Variants in AGAP3 observed in about 807,000 individuals in gnomAD.
The protein encoded by AGAP3 is ArfGAP with GTPase domain, ankyrin repeat and PH domain 3, also known as arf-GAP with GTPase, ANK repeat and PH domain-containing protein 3.
In AGAP3, 24 loss-of-function variants were observed where a neutral mutation model predicts 96.9. That is an observed-to-expected ratio of 0.25 (90% CI 0.18 to 0.35). The LOEUF is 0.35. AGAP3 is among the 10% of genes least tolerant of loss of function. The pLI is 1.00. For missense variants in AGAP3, 876 were observed against 1,254.2 expected, an observed-to-expected ratio of 0.70 and a Z score of 4.55; for synonymous variants, 563 against 536.1, an observed-to-expected ratio of 1.05 and a Z score of -0.69.
At position 151,120,115 on chromosome 7, in the gene AGAP3, G is replaced by C. The variant is rs752649625; in HGVS notation, c.1098G>C (p.Lys366Asn). ...CCTCCACCCCCACACCCATCCGAAA[G>C]CAGTCCAAGCGGCGCTCCAACATCT... ...AASSTPTPIR[K>N]QSKRRSNIFT... Residue 366 changes from lysine to asparagine, a missense_variant, in exon 8 of 18, where the codon AAG becomes AAC. By Grantham distance (94) the Lys-to-Asn change is moderately conservative. Coordinates refer to ENST00000397238, the MANE Select transcript of AGAP3 (RefSeq NM_031946.7). 6.2e-7 allele frequency: 1 copy of C among 1,613,078 alleles called. No individual in the cohort carries two copies. The highest frequency in any genetic ancestry group is 2.2e-5 in the East Asian group (1 of 44,816).
chr7:151,112,153 A>G (rs1167616285), intron 1 of AGAP3: 1 of 152,174 alleles, frequency 6.6e-6, no homozygotes, highest in Non-Finnish European at 1.5e-5. Flanking sequence ...GTCCTGAGAC[A>G]TTTATGTGGG....
intron 11 of AGAP3, among the ~76,000 whole-genome samples, chr7:151,135,033 C>A (rs947167878): frequency 1.3e-5 from 2 of 152,136 alleles, no homozygotes; most frequent in Non-Finnish European, 1.5e-5. Flanking sequence ...TGAATTTAGA[C>A]AGGATCTGGA....
At position 151,114,899 on chromosome 7, in the gene AGAP3, G is replaced by A. The variant is rs925269636; in HGVS notation, c.332-1894G>A. ...CGGCCGGCCGCGCTGCCGCCGCCCT[G>A]CAGGCCGCCCTCTGCGCCGCCAGTG... is the stretch of plus-strand genomic sequence containing the variant. On this transcript the variant is annotated intron_variant, in intron 1 of 17. Coordinates refer to ENST00000397238, the MANE Select transcript of AGAP3 (RefSeq NM_031946.7). This position sits in a 1 kb window ranked among gnomAD's most constrained non-coding sequence, Gnocchi z 4.4. 13 of 998,330 alleles carry A rather than the reference G, an allele frequency of 1.3e-5. No individual in the cohort carries two copies. The African/African-American group carries it at 2.3e-4, about 18-fold the overall frequency. The allele number at this position is 998,330 out of a possible 1,614,324, so 61.8% of individuals were successfully genotyped here.
chr7:151,111,858 G>A (rs926970368), intron 1 of AGAP3, among the ~76,000 whole-genome samples: 2 of 152,148 alleles, frequency 1.3e-5, no homozygotes, highest in Non-Finnish European at 2.9e-5. Flanking sequence ...CAGCGTTTCC[G>A]GTGGCCTTAA....
intron 8 of AGAP3, chr7:151,120,782 C>T (rs1687035019): frequency 1.2e-5 from 14 of 1,183,756 alleles, no homozygotes; most frequent in Non-Finnish European, 1.5e-5. Flanking sequence ...TCACTCACCC[C>T]TCACAAACCT....
Position 151,141,655 on chromosome 7 carries a change from T to C in AGAP3, c.1805-243T>C. 1.9e-6 allele frequency: 1 copy of C among 536,886 alleles called. No homozygotes were observed. The highest frequency in any genetic ancestry group is 3.4e-6 in the Non-Finnish European group (1 of 297,984). The allele number at this position is 536,886 out of a possible 1,614,324, so 33.3% of individuals were successfully genotyped here. A position where few individuals can be genotyped will look rare whatever the true frequency, so the allele number is the denominator to read the frequency against. ...GGGTGCCAAGATCTTGCATCCCCCA[T>C]CTGTTTTCACTTAAGCTCCACAGGT... On this transcript the variant is annotated intron_variant, in intron 13 of 17. Coordinates refer to ENST00000397238, the MANE Select transcript of AGAP3 (RefSeq NM_031946.7). The surrounding 1 kb of genome is among the most constrained non-coding windows in gnomAD (Gnocchi z 4.2).
At chr7:151,121,215 C>T (rs561339711) in intron 8 of AGAP3, among the ~76,000 whole-genome samples, 30 of 152,234 alleles carry the variant, frequency 2.0e-4, no homozygotes, top group African/African-American at 5.8e-4. Flanking sequence ...CACCTGCCCT[C>T]GCGGCCATCC....
chr7:151,132,053 G>A (rs911216610), intron 10 of AGAP3, among the ~76,000 whole-genome samples: 2 of 152,224 alleles, frequency 1.3e-5, no homozygotes, highest in African/African-American at 4.8e-5. Context: ...GTGGAGAGGG[G>A]GTGAGGCAGT....
chr7:151,126,133 C>T (rs1800156724), intron 9 of AGAP3, among the ~76,000 whole-genome samples: 1 of 151,730 alleles, frequency 6.6e-6, no homozygotes, highest in Non-Finnish European at 1.5e-5. Flanking sequence ...ACAGCGGCTC[C>T]CTCGCCTCCG....
intron 1 of AGAP3, chr7:151,115,135 C>T: frequency 9.6e-7 from 1 of 1,041,242 alleles, no homozygotes; most frequent in Non-Finnish European, 1.2e-6. Context: ...ACTCCGCGGC[C>T]CCGGCCGGCC....
In AGAP3 at chr7:151,133,014, C is replaced by T. The variant is rs372523985; in HGVS notation, c.1327-1386C>T. 5.9e-5 allele frequency among the ~76,000 whole-genome samples: 9 copies of T among 152,136 alleles called. No homozygotes were observed. The highest frequency in any genetic ancestry group is 2.2e-4 in the African/African-American group (9 of 41,408). ...TGGCCAGTGCGGTAAAGGTGAAGGC[C>T]GGGCTCCTCAGGGTAGGAGGAGCGC... On this transcript the variant is annotated intron_variant, in intron 10 of 17. Transcript: ENST00000397238. The surrounding 1 kb of genome is among the most constrained non-coding windows in gnomAD (Gnocchi z 5.4).
intron 8 of AGAP3, chr7:151,120,923 G>T: frequency 2.1e-6 from 2 of 964,124 alleles, no homozygotes; most frequent in Non-Finnish European, 2.5e-6. Flanking sequence ...TAATCCTCCA[G>T]CCGGGCTTGG....
At chr7:151,109,276 T>C (rs2150440797) in intron 1 of AGAP3, among the ~76,000 whole-genome samples, 1 of 152,262 alleles carries the variant, frequency 6.6e-6, no homozygotes, top group East Asian at 1.9e-4. Context: ...GGCAGGAGGA[T>C]TGCTTGAGCT....
chr7:151,087,435 G>C (rs1008984534), intron 1 of AGAP3, among the ~76,000 whole-genome samples: 3 of 152,164 alleles, frequency 2.0e-5, no homozygotes, highest in Non-Finnish European at 2.9e-5. Flanking sequence ...GCCGCTGCCC[G>C]GGCCCTGCTC....
At chr7:151,112,113 C>T (rs770130990) in intron 1 of AGAP3, 3 of 152,238 alleles carry the variant, frequency 2.0e-5, no homozygotes, top group Non-Finnish European at 4.4e-5. Context: ...TGCAGCTGTT[C>T]TCCTTTTCGG....
At position 151,104,966 on chromosome 7, in the gene AGAP3, G is replaced by A. The variant is rs573464556; in HGVS notation, c.332-11827G>A. Among the ~76,000 whole-genome samples, 17 of 152,310 alleles carry A rather than the reference G, an allele frequency of 1.1e-4. No homozygotes were observed. In the South Asian group the frequency reaches 2.3e-3, roughly 20 times the overall value. On this transcript the variant is annotated intron_variant, in intron 1 of 17. Coordinates refer to ENST00000397238, the MANE Select transcript of AGAP3 (RefSeq NM_031946.7). Reference sequence around the variant, plus strand: ...GGGGAGGGCCCCAGGTGCCCCTGGCGGGGCGGTTTGGTGTGAACTGCAGCG... The same window carrying A: ...GGGGAGGGCCCCAGGTGCCCCTGGCAGGGCGGTTTGGTGTGAACTGCAGCG...
chr7:151,109,917 G>A (rs961724431), intron 1 of AGAP3, among the ~76,000 whole-genome samples: 13 of 152,234 alleles, frequency 8.5e-5, no homozygotes, highest in South Asian at 2.1e-4. Context: ...GGCACCATGC[G>A]GCCCTCCATG....
intron 10 of AGAP3, among the ~76,000 whole-genome samples, chr7:151,132,908 T>C (rs1213792965): frequency 6.6e-6 from 1 of 152,188 alleles, no homozygotes; most frequent in Non-Finnish European, 1.5e-5. Context: ...CCTGGGCTCT[T>C]TTCAGCAGAG....
chr7:151,121,808 G>A (rs1002208931), intron 8 of AGAP3, among the ~76,000 whole-genome samples: 9 of 152,174 alleles, frequency 5.9e-5, no homozygotes, highest in Non-Finnish European at 1.0e-4. Flanking sequence ...AGACGCGTCC[G>A]TCTCTGTGGG....
Sources: gnomAD v4.1 joint callset for allele counts (sites outside exome capture counted in the v4.1 genomes callset) on GRCh38, gnomAD v4.1.1 for gene constraint, Gnocchi (gnomAD v3.1) non-coding constraint, MANE v1.5 for transcripts, NCBI Gene and HGNC (gene_info 2026-07-23, HGNC 2026-07-21) for gene names.